The following PTPRO variants were observed in gnomAD, a reference collection of about 807,000 sequenced individuals.
The protein encoded by PTPRO is receptor-type tyrosine-protein phosphatase O.
In PTPRO, 62 loss-of-function variants were observed where a neutral mutation model predicts 145.2. The ratio of observed to expected loss-of-function variants is 0.43; its 90% CI spans 0.35 to 0.53. PTPRO has a LOEUF of 0.53. Among genes scored for constraint, PTPRO ranks in the 20% least tolerant of loss-of-function variants. PTPRO has a pLI of 0.01. For synonymous variants in PTPRO, 565 were observed against 514.7 expected (o/e 1.10, Z -1.32); for missense variants, 1,345 against 1,482.7 (o/e 0.91, Z 1.53).
intron 1 of PTPRO, among the ~76,000 whole-genome samples, chr12:15,345,033 T>C (rs1867150746): frequency 6.6e-6 from 1 of 152,234 alleles, no homozygotes; most frequent in African/African-American, 2.4e-5. Context: ...TTTCTTATTC[T>C]CTGTTTCCCT....
rs117311938 is a variant in PTPRO, at chr12:15,429,775, G to T, written c.76-54199G>T. Reference sequence around the variant, plus strand: ...CAATGTAGAAAACAACTGGATGAGTGTAAGAGGAGACTATGCTAGGAGTTC... The same window carrying T: ...CAATGTAGAAAACAACTGGATGAGTTTAAGAGGAGACTATGCTAGGAGTTC... On this transcript the variant is annotated intron_variant, in intron 1 of 26. Transcript: ENST00000281171. Among the ~76,000 whole-genome samples, 3 of 152,294 alleles carry T rather than the reference G, an allele frequency of 2.0e-5. No homozygotes were observed. In the East Asian group the frequency reaches 5.8e-4, roughly 29 times the overall value.
At chr12:15,594,281 CT>C (rs1944611682) in intron 25 of PTPRO, among the ~76,000 whole-genome samples, 1 of 151,818 alleles carries the variant, frequency 6.6e-6, no homozygotes, top group African/African-American at 2.4e-5. Flanking sequence ...ATATTTTCCT[CT>C]GTATTTTTAA....
At chr12:15,517,404 G>A (rs932104865) in intron 9 of PTPRO, among the ~76,000 whole-genome samples, 1 of 152,174 alleles carries the variant, frequency 6.6e-6, no homozygotes, top group African/African-American at 2.4e-5. Context: ...AGATTTGGGT[G>A]AGAACACAAC....
At chr12:15,465,116 A>G (rs1184996570) in intron 1 of PTPRO, among the ~76,000 whole-genome samples, 2 of 152,228 alleles carry the variant, frequency 1.3e-5, no homozygotes, top group African/African-American at 4.8e-5. Context: ...CTTCCAAAGA[A>G]TGGAATCCTT....
At chr12:15,536,563 G>A (rs1943070041) in intron 12 of PTPRO, among the ~76,000 whole-genome samples, 1 of 152,158 alleles carries the variant, frequency 6.6e-6, no homozygotes, top group Non-Finnish European at 1.5e-5. Context: ...TCATTGAAAA[G>A]ACACTTTCCT....
intron 12 of PTPRO, among the ~76,000 whole-genome samples, chr12:15,528,397 T>C (rs1029533958): frequency 3.4e-5 from 5 of 146,540 alleles, no homozygotes; most frequent in South Asian, 2.1e-4. Flanking sequence ...TGGTGGCGGG[T>C]GCCTGTAGTC....
intron 1 of PTPRO, among the ~76,000 whole-genome samples, chr12:15,461,389 C>T (rs1941297978): frequency 6.6e-6 from 1 of 152,082 alleles, no homozygotes; most frequent in African/African-American, 2.4e-5. Flanking sequence ...TGAACCACAA[C>T]CACCTTGGAC....
chr12:15,479,437 G>A (rs1335301620), intron 1 of PTPRO, among the ~76,000 whole-genome samples: 2 of 152,152 alleles, frequency 1.3e-5, no homozygotes, highest in Admixed American at 6.5e-5. Context: ...GCTCCCATGT[G>A]AACAATGACT....
intron 2 of PTPRO, among the ~76,000 whole-genome samples, chr12:15,489,042 C>T (rs1941947825): frequency 1.3e-5 from 2 of 152,008 alleles, no homozygotes; most frequent in South Asian, 2.1e-4. Context: ...TCTATACAGT[C>T]CTATTCTAAA....
chr12:15,479,805 C>T (rs1422258112), intron 1 of PTPRO, among the ~76,000 whole-genome samples: 9 of 152,178 alleles, frequency 5.9e-5, no homozygotes, highest in Non-Finnish European at 1.2e-4. Flanking sequence ...GCTGGTCTCA[C>T]CCTGATGCAG....
intron 1 of PTPRO, among the ~76,000 whole-genome samples, chr12:15,437,278 G>T (rs117354360): frequency 6.6e-6 from 1 of 150,966 alleles, no homozygotes; most frequent in African/African-American, 2.4e-5. Context: ...CATTCAGAGC[G>T]CCTGCTTGCT....
At chr12:15,382,331 T>A (rs768355202) in intron 1 of PTPRO, among the ~76,000 whole-genome samples, 7 of 152,186 alleles carry the variant, frequency 4.6e-5, no homozygotes, top group Non-Finnish European at 1.0e-4. Context: ...GATCTGCTAG[T>A]TCCCATCTCC....
chr12:15,357,546 A>G (rs533635266), intron 1 of PTPRO, among the ~76,000 whole-genome samples: 226 of 152,240 alleles, frequency 1.5e-3, no homozygotes, highest in Middle Eastern at 0.01. Flanking sequence ...CAAGAAAAAA[A>G]CAAACAACCC....
chr12:15,363,692 A>G (rs938332740), intron 1 of PTPRO, among the ~76,000 whole-genome samples: 1 of 152,136 alleles, frequency 6.6e-6, no homozygotes, highest in African/African-American at 2.4e-5. Flanking sequence ...CACATGGTAC[A>G]TAAGTAAAAG....
At chr12:15,493,170 T>G (rs1466443674) in intron 2 of PTPRO, among the ~76,000 whole-genome samples, 1 of 151,820 alleles carries the variant, frequency 6.6e-6, no homozygotes, top group East Asian at 1.9e-4. Flanking sequence ...CAATAACTGG[T>G]GAAAGAAAAC....
chr12:15,365,242 C>T (rs1938326270), intron 1 of PTPRO, among the ~76,000 whole-genome samples: 1 of 152,128 alleles, frequency 6.6e-6, no homozygotes, highest in Non-Finnish European at 1.5e-5. Flanking sequence ...ACCTACCTTC[C>T]TGCCTCTTTC....
chr12:15,429,333 C>T (rs1940369584), intron 1 of PTPRO, among the ~76,000 whole-genome samples: 2 of 152,018 alleles, frequency 1.3e-5, no homozygotes, highest in African/African-American at 4.8e-5. Flanking sequence ...AGCTAAGAGA[C>T]TGTTAAGAGG....
At chr12:15,335,993 G>A (rs1199209974) in intron 1 of PTPRO, among the ~76,000 whole-genome samples, 1 of 152,060 alleles carries the variant, frequency 6.6e-6, no homozygotes, top group East Asian at 1.9e-4. Flanking sequence ...TTGAAGTAAG[G>A]TATTCTTAAT....
At chr12:15,380,740 T>A (rs1249279738) in intron 1 of PTPRO, among the ~76,000 whole-genome samples, 7 of 152,196 alleles carry the variant, frequency 4.6e-5, no homozygotes. Flanking sequence ...TCTACTGCAC[T>A]ATCAAATTTT....
Sources: allele counts gnomAD v4.1 joint callset (sites outside exome capture counted in the v4.1 genomes callset), GRCh38; gene constraint gnomAD v4.1.1; transcripts MANE v1.5; gene names NCBI Gene and HGNC (gene_info 2026-07-23, HGNC 2026-07-21).